The following MRAP2 variants were observed in gnomAD, a reference collection of about 807,000 sequenced individuals.
MRAP2 encodes melanocortin-2 receptor accessory protein 2.
In MRAP2, 20 loss-of-function variants were observed where a neutral mutation model predicts 17.4. The observed-to-expected ratio is 1.15, with a 90% confidence interval of 0.81 to 1.67. MRAP2 has a LOEUF of 1.67. MRAP2 is among the 40% of genes most tolerant of loss of function. The probability of loss-of-function intolerance (pLI) is 0.00; values close to 1 mark genes in which losing one functional copy is unlikely to be tolerated. For missense variants in MRAP2, 238 were observed against 240.0 expected (o/e 0.99, Z 0.05); for synonymous variants, 96 against 88.4 (o/e 1.09, Z -0.48).
the MRAP2 span, among the ~76,000 whole-genome samples, chr6:84,123,789 C>T: frequency 6.6e-6 from 1 of 151,900 alleles, no homozygotes; most frequent in Non-Finnish European, 1.5e-5. Context: ...AACAGATAAC[C>T]TACATAATGG....
chr6:84,063,124 C>T, intron 3 of MRAP2, 132 bp downstream of exon 3: 1 of 1,487,778 alleles, frequency 6.7e-7, no homozygotes, highest in Non-Finnish European at 9.0e-7. Flanking sequence ...CTGTCTGGAC[C>T]CAGATGCCCG....
chr6:84,063,422 G>GT, intron 3 of MRAP2: 2 of 984,800 alleles, frequency 2.0e-6, no homozygotes, highest in East Asian at 2.3e-4. Flanking sequence ...GTTGTTCCTG[G>GT]ATACTCAACT....
the MRAP2 span, among the ~76,000 whole-genome samples, chr6:84,130,437 A>C: frequency 6.6e-6 from 1 of 152,182 alleles, no homozygotes; most frequent in African/African-American, 2.4e-5. Context: ...GATTGGTACC[A>C]GCTCCTCTCT....
chr6:84,055,348 A>G lies in MRAP2; in HGVS notation c.30A>G (p.Arg10=). Residue 10 remains arginine (R), a synonymous_variant, in exon 2 of 4, where the codon AGA becomes AGG. Coordinates refer to ENST00000257776, the MANE Select transcript of MRAP2 (RefSeq NM_138409.4). MSAQRLISN[R]TSQQSASNSD... ...CCGCCCAGAGGTTAATTTCTAACAG[A>G]ACCTCCCAGCAATCGGCATCTAATT... 6.2e-7 allele frequency: 1 copy of G among 1,613,822 alleles called. No homozygotes were observed. Among genetic ancestry groups the G allele is most frequent in the Non-Finnish European group, 8.5e-7 (1 of 1,179,946 alleles).
At chr6:84,108,071 A>G in the MRAP2 span, among the ~76,000 whole-genome samples, 11 of 152,172 alleles carry the variant, frequency 7.2e-5, no homozygotes, top group Non-Finnish European at 1.6e-4. Context: ...CTTAATTATT[A>G]TGCCCTTTCC....
chr6:84,134,921 C>CACACACAT, the MRAP2 span, among the ~76,000 whole-genome samples: 3 of 10,546 alleles, frequency 2.8e-4, no homozygotes, highest in African/African-American at 6.2e-4. Context: ...ATCATATATA[C>CACACACAT]ACACACACAC....
At chr6:84,037,343 C>T (rs1369076431) in intron 1 of MRAP2, among the ~76,000 whole-genome samples, 2 of 152,180 alleles carry the variant, frequency 1.3e-5, no homozygotes, top group South Asian at 2.1e-4. Flanking sequence ...CTGATTGGTG[C>T]ATATACAATC....
chr6:84,057,948 A>G (rs2099492113), intron 2 of MRAP2, among the ~76,000 whole-genome samples: 1 of 152,172 alleles, frequency 6.6e-6, no homozygotes, highest in East Asian at 1.9e-4. Context: ...AACATCCCAG[A>G]AAAGGATCCT....
At chr6:84,133,370 C>G in the MRAP2 span, among the ~76,000 whole-genome samples, 1 of 152,164 alleles carries the variant, frequency 6.6e-6, no homozygotes, top group South Asian at 2.1e-4. Flanking sequence ...CTGGGAGAAC[C>G]ACTACTCTCT....
intron 1 of MRAP2, among the ~76,000 whole-genome samples, chr6:84,052,079 C>T (rs578100874): frequency 1.9e-4 from 29 of 152,192 alleles, no homozygotes; most frequent in Admixed American, 5.9e-4. Context: ...TAGTCTCTCC[C>T]TCATGCTCCT....
chr6:84,083,270 C>T (rs950647541), intron 3 of MRAP2, among the ~76,000 whole-genome samples: 26 of 152,196 alleles, frequency 1.7e-4, no homozygotes, highest in African/African-American at 6.3e-4. Context: ...CATGCCTGGC[C>T]TGTTTACTTT....
intron 1 of MRAP2, among the ~76,000 whole-genome samples, chr6:84,045,617 G>A (rs562055236): frequency 6.6e-6 from 1 of 152,202 alleles, no homozygotes; most frequent in Non-Finnish European, 1.5e-5. Context: ...ACAAAAATTA[G>A]CTGGGCGTGG....
intron 1 of MRAP2, among the ~76,000 whole-genome samples, chr6:84,039,319 A>G (rs2099486925): frequency 6.6e-6 from 1 of 152,218 alleles, no homozygotes; most frequent in African/African-American, 2.4e-5. Flanking sequence ...CTTTAAGGGA[A>G]TGAGATGTGT....
At chr6:84,063,098 G>A in intron 3 of MRAP2, 106 bp downstream of exon 3, 1 of 1,545,050 alleles carries the variant, frequency 6.5e-7, no homozygotes, top group Admixed American at 2.0e-5. Flanking sequence ...AAGAGAAGGG[G>A]GTGGTTATAG....
chr6:84,141,048 G>A, the MRAP2 span, among the ~76,000 whole-genome samples: 1 of 152,156 alleles, frequency 6.6e-6, no homozygotes, highest in Non-Finnish European at 1.5e-5. Flanking sequence ...ACGCTCCTAT[G>A]AGAATCTAAT....
At chr6:84,086,000 G>T in intron 3 of MRAP2, among the ~76,000 whole-genome samples, 1 of 152,224 alleles carries the variant, frequency 6.6e-6, no homozygotes, top group Non-Finnish European at 1.5e-5. Flanking sequence ...GGCTCAAGGT[G>T]AGCACAGCCT....
At chr6:84,037,474 C>A (rs1395477476) in intron 1 of MRAP2, among the ~76,000 whole-genome samples, 1 of 152,214 alleles carries the variant, frequency 6.6e-6, no homozygotes, top group African/African-American at 2.4e-5. Context: ...ATGCCACAAG[C>A]CTGCACTCCT....
At chr6:84,045,314 C>T (rs765164153) in intron 1 of MRAP2, 24 of 985,328 alleles carry the variant, frequency 2.4e-5, no homozygotes, top group South Asian at 4.7e-5. Flanking sequence ...GATGAGGCTG[C>T]GAGGGCAGAG....
chr6:84,125,777 C>A, the MRAP2 span, among the ~76,000 whole-genome samples: 1 of 152,114 alleles, frequency 6.6e-6, no homozygotes, highest in African/African-American at 2.4e-5. Flanking sequence ...AAACCTCAAT[C>A]TGGGACTTCT....
Sources: gnomAD v4.1 joint callset for allele counts (sites outside exome capture counted in the v4.1 genomes callset) on GRCh38, gnomAD v4.1.1 for gene constraint, MANE v1.5 for transcripts, NCBI Gene and HGNC (gene_info 2026-07-23, HGNC 2026-07-21) for gene names.